The following CHM variants were observed in gnomAD, a reference collection of about 807,000 sequenced individuals.
CHM encodes the protein rab proteins geranylgeranyltransferase component A 1.
In CHM, 10 loss-of-function variants were observed where a neutral mutation model predicts 49.0. That is an observed-to-expected ratio of 0.20 (90% CI 0.13 to 0.35). The LOEUF (loss-of-function observed/expected upper bound fraction) is 0.35. Ranked by LOEUF, CHM falls within the 10% of genes least tolerant of loss-of-function variation. The pLI, the probability that CHM is intolerant of heterozygous loss-of-function variation, is 1.00. For missense variants in CHM, 455 were observed against 478.4 expected, an observed-to-expected ratio of 0.95 and a Z score of 0.46; for synonymous variants, 184 against 167.5, an observed-to-expected ratio of 1.10 and a Z score of -0.76.
At chrX:85,997,422 A>G (rs1367861383) in intron 2 of CHM, among the ~76,000 whole-genome samples, 3 of 111,862 alleles carry the variant, frequency 2.7e-5, no homozygotes, top group Non-Finnish European at 5.6e-5. Context: ...TTCTAATTAT[A>G]TTATAATTTC....
chrX:85,970,644 T>A (rs1185958390), intron 4 of CHM: 1 of 138,439 alleles, frequency 7.2e-6, no homozygotes, highest in Non-Finnish European at 1.3e-5. Flanking sequence ...ATAAATGAAA[T>A]TAATATGTAA....
chrX:86,000,267 C>A, intron 2 of CHM, among the ~76,000 whole-genome samples: 1 of 24,145 alleles, frequency 4.1e-5, no homozygotes. Flanking sequence ...GTAAGTCTTC[C>A]TGAAAAAAAA....
At chrX:85,929,111 A>T (rs1460570249) in intron 8 of CHM, among the ~76,000 whole-genome samples, 1 of 111,900 alleles carries the variant, frequency 8.9e-6, no homozygotes, top group East Asian at 2.8e-4. Context: ...TTAGGGAAGC[A>T]CAGTGATACA....
chrX:85,972,819 G>A (rs1931019461), intron 4 of CHM, among the ~76,000 whole-genome samples: 1 of 112,272 alleles, frequency 8.9e-6, no homozygotes, highest in Non-Finnish European at 1.9e-5. Flanking sequence ...TGCAGCGGCG[G>A]GCCGAAGGGC....
intron 12 of CHM, among the ~76,000 whole-genome samples, chrX:85,891,329 C>G (rs1314943936): frequency 8.9e-6 from 1 of 111,900 alleles, no homozygotes; most frequent in Non-Finnish European, 1.9e-5. Flanking sequence ...GTCTCCAGGC[C>G]ACGTCAGAGA....
rs998731693 is a variant in CHM, at chrX:85,931,876, G to A, written c.1167-20538C>T. ...ATTCAATTCTTAGCAGAACAAGAGG[G>A]CATCCTGCCAGAGAGGACCTCAAAG... On this transcript the variant is annotated intron_variant, in intron 8 of 14. Transcript: ENST00000357749. 4.5e-5 allele frequency among the ~76,000 whole-genome samples: 5 copies of A among 112,260 alleles called. No homozygotes were observed. The Admixed American group carries it at 4.7e-4, about 11-fold the overall frequency.
chrX:86,001,774 G>C, intron 2 of CHM, among the ~76,000 whole-genome samples: 1 of 109,620 alleles, frequency 9.1e-6, no homozygotes, highest in Non-Finnish European at 1.9e-5. Flanking sequence ...AATTTGGAGG[G>C]GACAAATATC....
At chrX:85,978,577 C>T (rs1023117327) in intron 4 of CHM, 190 bp downstream of exon 4, 33 of 331,008 alleles carry the variant, frequency 1.0e-4, no homozygotes, top group African/African-American at 7.0e-4. Context: ...AATTCGGAGG[C>T]GTTAAGGTAA....
intron 12 of CHM, among the ~76,000 whole-genome samples, chrX:85,882,442 A>G (rs1924819494): frequency 9.0e-6 from 1 of 111,133 alleles, no homozygotes; most frequent in African/African-American, 3.3e-5. Context: ...AAGTGGAAAC[A>G]TTTCCCACAG....
intron 9 of CHM, among the ~76,000 whole-genome samples, chrX:85,902,261 C>T (rs1926334488): frequency 9.0e-6 from 1 of 111,391 alleles, no homozygotes; most frequent in South Asian, 3.7e-4. Flanking sequence ...AAAATCTGTT[C>T]ATTCACTTTA....
At chrX:85,873,749 T>C (rs1486442074) in intron 13 of CHM, among the ~76,000 whole-genome samples, 15 of 110,920 alleles carry the variant, frequency 1.4e-4, no homozygotes, top group African/African-American at 4.9e-4. Flanking sequence ...TAAGAGACAA[T>C]GAATTGTACA....
At chrX:85,901,048 T>G in intron 10 of CHM, 36 bp downstream of exon 10, 1 of 959,276 alleles carries the variant, frequency 1.0e-6, no homozygotes, top group South Asian at 2.1e-5. Flanking sequence ...GTCAATAAAA[T>G]TACCTTCGCT....
chrX:85,869,489 C>T lies in CHM; in HGVS notation c.1770+3563G>A, dbSNP rs1030161044. ...CTTCCATATATCTTGTCATGCACCA[C>T]CTGCCTCCTAAGATTAGCACCAGTT... On this transcript the variant is annotated intron_variant, in intron 14 of 14. Transcript: ENST00000357749. 3.2e-4 allele frequency among the ~76,000 whole-genome samples: 35 copies of T among 110,928 alleles called. 1 individual carries two copies. The highest frequency in any genetic ancestry group is 4.6e-3 in the Middle Eastern group (1 of 216).
At chrX:85,882,997 C>T (rs1365722662) in intron 12 of CHM, among the ~76,000 whole-genome samples, 2 of 111,084 alleles carry the variant, frequency 1.8e-5, no homozygotes, top group Non-Finnish European at 3.8e-5. Flanking sequence ...AGACCTCTTC[C>T]GGTCTCAAAT....
At chrX:85,968,975 C>T in intron 4 of CHM, 1 of 371,818 alleles carries the variant, frequency 2.7e-6, no homozygotes, top group Non-Finnish European at 3.5e-6. Context: ...GGTGATTTTA[C>T]ATTTTATTTG....
At chrX:85,945,714 AC>A (rs1929368285) in intron 8 of CHM, among the ~76,000 whole-genome samples, 2 of 110,477 alleles carry the variant, frequency 1.8e-5, no homozygotes, top group South Asian at 7.9e-4. Flanking sequence ...CTATAAAGAT[AC>A]CTGAAAATAC....
At chrX:85,891,848 C>T (rs1320341877) in intron 12 of CHM, among the ~76,000 whole-genome samples, 1 of 111,831 alleles carries the variant, frequency 8.9e-6, no homozygotes, top group African/African-American at 3.3e-5. Flanking sequence ...CACTCAACAC[C>T]AGCCTGTGAA....
Position 85,970,433 on chromosome X carries a change from T to A in CHM, c.315-6381A>T, listed in dbSNP as rs1022933039. 4.0e-6 allele frequency: 3 copies of A among 752,183 alleles called. No individual in the cohort carries two copies. In the African/African-American group the frequency reaches 6.9e-5, roughly 17 times the overall value. The allele number at this position is 752,183 out of a possible 1,213,427, so 62.0% of individuals were successfully genotyped here. A position where few individuals can be genotyped will look rare whatever the true frequency, so the allele number is the denominator to read the frequency against. The stretch of plus-strand genomic sequence containing the variant: ...TCACAAAGGAAATACTTAATTCACT[T>A]GGTGGAACGGTTGGTTCCCTTGATG... On this transcript the variant is annotated intron_variant, in intron 4 of 14. Coordinates refer to ENST00000357749, the MANE Select transcript of CHM (RefSeq NM_000390.4).
intron 8 of CHM, among the ~76,000 whole-genome samples, chrX:85,950,465 C>G (rs779849938): frequency 1.8e-5 from 2 of 110,033 alleles, no homozygotes; most frequent in Non-Finnish European, 3.8e-5. Flanking sequence ...TGAAGAGAAT[C>G]AATATGCTGG....
Sources: gnomAD v4.1 joint callset for allele counts (sites outside exome capture counted in the v4.1 genomes callset) on GRCh38, gnomAD v4.1.1 for gene constraint, MANE v1.5 for transcripts, NCBI Gene and HGNC (gene_info 2026-07-23, HGNC 2026-07-21) for gene names.